Variants in ST18 observed in about 807,000 individuals in gnomAD.
ST18 encodes ST18 C2H2C-type zinc finger transcription factor, also known as suppression of tumorigenicity 18 protein.
In ST18, 50 loss-of-function variants were observed where a neutral mutation model predicts 110.0. That is an observed-to-expected ratio of 0.45 (90% CI 0.36 to 0.58). The LOEUF is 0.58. Ranked by LOEUF, ST18 falls within the 20% of genes least tolerant of loss-of-function variation. The pLI, the probability that ST18 is intolerant of heterozygous loss-of-function variation, is 0.00. For missense variants in ST18, 1,306 were observed against 1,280.1 expected (o/e 1.02, Z -0.31); for synonymous variants, 461 against 452.4 (o/e 1.02, Z -0.24).
intron 2 of ST18, among the ~76,000 whole-genome samples, chr8:52,345,907 A>G (rs893705771): frequency 1.1e-4 from 16 of 152,210 alleles, no homozygotes; most frequent in Admixed American, 3.9e-4. Context: ...TTTCAAAAAT[A>G]TCTTAAATAT....
chr8:52,172,505 T>C lies in ST18; in HGVS notation c.356A>G (p.Tyr119Cys). Residue 119 changes from tyrosine (Y) to cysteine (C), a missense_variant, in exon 10 of 26, where the codon TAC becomes TGC. Physicochemically the swap from Tyr to Cys is radical, Grantham distance 194 (BLOSUM62 -2). Coordinates refer to ENST00000689386, the MANE Select transcript of ST18 (RefSeq NM_001352837.2). ...QENSSRKEDRYSCYQELMVKS... is the reference protein window; with the variant it reads ...QENSSRKEDRCSCYQELMVKS... ...GACCATGAGCTCTTGATAACAAGAG[T>C]ATCTGTCTTCCTTCCTACTGGAGTT... 2 of 1,613,472 alleles carry C rather than the reference T, an allele frequency of 1.2e-6. No homozygotes were observed. The highest frequency in any genetic ancestry group is 1.7e-6 in the Non-Finnish European group (2 of 1,179,896).
At chr8:52,288,187 T>C (rs79301693) in intron 2 of ST18, among the ~76,000 whole-genome samples, 4,677 of 152,254 alleles carry the variant, frequency 0.031, 231 homozygotes, top group African/African-American at 0.11. Context: ...GTTCATCCCT[T>C]GGTATTACCC....
chr8:52,315,541 C>T (rs2096008861), intron 2 of ST18, among the ~76,000 whole-genome samples: 1 of 152,194 alleles, frequency 6.6e-6, no homozygotes, highest in Non-Finnish European at 1.5e-5. Flanking sequence ...TTATTATCTT[C>T]TGTATTCTCT....
chr8:52,136,754 G>T, intron 18 of ST18, 96 bp from the exon 19 acceptor site: 1 of 1,056,632 alleles, frequency 9.5e-7, no homozygotes. Context: ...TTAAATTATT[G>T]GTGACTGGGG....
intron 8 of ST18, among the ~76,000 whole-genome samples, chr8:52,193,926 C>T (rs1220053972): frequency 2.0e-5 from 3 of 152,196 alleles, no homozygotes; most frequent in African/African-American, 7.2e-5. Context: ...TTACTCATGT[C>T]ATAAATTCAG....
intron 2 of ST18, among the ~76,000 whole-genome samples, chr8:52,239,300 T>C (rs1315303026): frequency 6.6e-6 from 1 of 152,156 alleles, no homozygotes; most frequent in African/African-American, 2.4e-5. Flanking sequence ...AAACTCTGAA[T>C]ATACTAAAAA....
rs377652539 is a variant in ST18, at chr8:52,238,269, G to A, written c.-464-8192C>T. On this transcript the variant is annotated intron_variant, in intron 2 of 25. Transcript: ENST00000689386. ...CTTGAGAAATTGTACACAAATATTC[G>A]TAACAGCATTACTCACAGTAGCCAA... 8.1e-4 allele frequency among the ~76,000 whole-genome samples: 123 copies of A among 152,038 alleles called. 4 individuals carry two copies. The highest frequency in any genetic ancestry group is 1.7e-3 in the Admixed American group (26 of 15,274).
At chr8:52,271,544 G>A (rs58439109) in intron 2 of ST18, among the ~76,000 whole-genome samples, 2 of 152,116 alleles carry the variant, frequency 1.3e-5, no homozygotes, top group Admixed American at 6.5e-5. Flanking sequence ...GAAACAGATC[G>A]CACAGAAGTC....
At chr8:52,259,670 A>T (rs1360024688) in intron 2 of ST18, among the ~76,000 whole-genome samples, 1 of 152,160 alleles carries the variant, frequency 6.6e-6, no homozygotes, top group Non-Finnish European at 1.5e-5. Flanking sequence ...CGCTGTTCTG[A>T]GTGCTTTTCA....
At position 52,149,935 on chromosome 8, in the gene ST18, T is replaced by G; in HGVS notation, c.1849A>C (p.Ser617Arg). 2 of 1,614,114 alleles carry G rather than the reference T, an allele frequency of 1.2e-6. No individual in the cohort carries two copies. Among genetic ancestry groups the G allele is most frequent in the Non-Finnish European group, 1.7e-6 (2 of 1,180,000 alleles). Residue 617 changes from serine to arginine, a missense_variant, in exon 16 of 26, where the codon AGC becomes CGC. Coordinates refer to ENST00000689386, the MANE Select transcript of ST18 (RefSeq NM_001352837.2). ...EVDENGTLDL[S>R]MKKNRILDKS... ...TCCAGGATTCGATTTTTTTTCATGC[T>G]TAAGTCCAATGTGCCATTTTCATCC...
At chr8:52,256,028 C>G (rs2094517445) in intron 2 of ST18, among the ~76,000 whole-genome samples, 1 of 152,218 alleles carries the variant, frequency 6.6e-6, no homozygotes, top group Non-Finnish European at 1.5e-5. Flanking sequence ...ACAGGAAGCA[C>G]AGGAGAGGGA....
At chr8:52,276,954 A>G (rs2095279993) in intron 2 of ST18, among the ~76,000 whole-genome samples, 1 of 152,044 alleles carries the variant, frequency 6.6e-6, no homozygotes, top group Admixed American at 6.5e-5. Context: ...TTTAGTAGAG[A>G]CGGGGTTTTG....
At chr8:52,364,316 C>T (rs774809904) in intron 2 of ST18, among the ~76,000 whole-genome samples, 1 of 152,038 alleles carries the variant, frequency 6.6e-6, no homozygotes, top group Non-Finnish European at 1.5e-5. Flanking sequence ...AGAAGACTTC[C>T]CAAGACCAGC....
chr8:52,305,796 A>T (rs1367111910), intron 2 of ST18, among the ~76,000 whole-genome samples: 1 of 152,200 alleles, frequency 6.6e-6, no homozygotes, highest in Non-Finnish European at 1.5e-5. Flanking sequence ...ACCATGGTGC[A>T]AGCACTCAAT....
In ST18 at chr8:52,158,940, G is replaced by T; in HGVS notation, c.1764C>A (p.Ala588=). 1 of 1,614,038 alleles carries T rather than the reference G, an allele frequency of 6.2e-7. No homozygotes were observed. Among genetic ancestry groups the T allele is most frequent in the African/African-American group, 1.3e-5 (1 of 75,064 alleles). The change falls in exon 15 of 26, where the codon GCC becomes GCA. Residue 588 remains alanine (A), a synonymous_variant. Coordinates refer to ENST00000689386, the MANE Select transcript of ST18 (RefSeq NM_001352837.2). The part of the protein sequence containing the change: ...ILNLSTRCRE[A]TDILSNKPQS... Reference sequence around the variant, plus strand: ...GTGGCTTGTTGGAGAGGATGTCTGTGGCTTCCCTGCAGCGGGTGGAAAGGT... The same window carrying T: ...GTGGCTTGTTGGAGAGGATGTCTGTTGCTTCCCTGCAGCGGGTGGAAAGGT...
rs747201049 is a variant in ST18 at position 52,209,074 on chromosome 8, C to G, written c.86+3005G>C. The stretch of plus-strand genomic sequence containing the variant: ...AATGAAATATGTGACAAAAGATAAT[C>G]GTTAGAGAATTAGGAAAATAGAAAA... On this transcript the variant is annotated intron_variant, in intron 8 of 25. Coordinates refer to ENST00000689386, the MANE Select transcript of ST18 (RefSeq NM_001352837.2). Among the ~76,000 whole-genome samples the G allele has an allele frequency of 1.4e-4, 21 of 151,946 alleles. 1 individual carries two copies. Among genetic ancestry groups the G allele is most frequent in the Non-Finnish European group, 2.5e-4 (17 of 67,996 alleles).
intron 2 of ST18, among the ~76,000 whole-genome samples, chr8:52,296,082 C>G (rs777924633): frequency 6.6e-6 from 1 of 151,960 alleles, no homozygotes; most frequent in Admixed American, 6.6e-5. Context: ...CAGGCAAGTT[C>G]GGCAGCTGCT....
At chr8:52,318,860 G>T (rs145578440) in intron 2 of ST18, among the ~76,000 whole-genome samples, 1 of 151,220 alleles carries the variant, frequency 6.6e-6, no homozygotes, top group Admixed American at 6.6e-5. Context: ...ATAAGTGGGA[G>T]CTAAATTATG....
At chr8:52,180,745 T>C (rs1173056784) in intron 8 of ST18, among the ~76,000 whole-genome samples, 1 of 152,232 alleles carries the variant, frequency 6.6e-6, no homozygotes, top group East Asian at 1.9e-4. Context: ...TGCTTATCTC[T>C]GCCACAGTTG....
Sources: allele counts gnomAD v4.1 joint callset (sites outside exome capture counted in the v4.1 genomes callset), GRCh38; gene constraint gnomAD v4.1.1; transcripts MANE v1.5; gene names NCBI Gene and HGNC (gene_info 2026-07-23, HGNC 2026-07-21).